Variants in SLC35F1 observed in about 807,000 individuals in gnomAD.
SLC35F1 encodes the protein solute carrier family 35 member F1.
In SLC35F1, 14 loss-of-function variants were observed where a neutral mutation model predicts 48.7. The observed-to-expected ratio is 0.29, with a 90% CI of 0.19 to 0.45. The LOEUF is 0.45. Among genes scored for constraint, SLC35F1 ranks in the 20% least tolerant of loss-of-function variants. The probability of loss-of-function intolerance (pLI) is 1.00; values close to 1 mark genes in which losing one functional copy is unlikely to be tolerated. For synonymous variants in SLC35F1, 190 were observed against 202.2 expected (o/e 0.94, Z 0.51); for missense variants, 404 against 500.0 (o/e 0.81, Z 1.83).
chr6:117,977,290 G>A (rs180916436), intron 1 of SLC35F1, among the ~76,000 whole-genome samples: 3 of 150,460 alleles, frequency 2.0e-5, no homozygotes, highest in African/African-American at 7.3e-5. Context: ...TCTGCCTCCC[G>A]GGTTCAAGCG....
intron 1 of SLC35F1, among the ~76,000 whole-genome samples, chr6:118,119,520 T>G: frequency 8.1e-6 from 1 of 123,358 alleles, no homozygotes; most frequent in African/African-American, 2.9e-5. Context: ...GCTTTTTTTT[T>G]TGAGACGGAG....
intron 1 of SLC35F1, among the ~76,000 whole-genome samples, chr6:118,101,219 C>T (rs1773254201): frequency 6.6e-6 from 1 of 152,146 alleles, no homozygotes; most frequent in Non-Finnish European, 1.5e-5. Flanking sequence ...AAGAGAGTGT[C>T]TAAATTAGGA....
chr6:118,056,037 G>A (rs1345450902), intron 1 of SLC35F1, among the ~76,000 whole-genome samples: 1 of 152,164 alleles, frequency 6.6e-6, no homozygotes, highest in Non-Finnish European at 1.5e-5. Flanking sequence ...TGGGTAATAG[G>A]TCTATCAACA....
chr6:118,211,380 TA>T (rs776971402), intron 2 of SLC35F1, among the ~76,000 whole-genome samples: 9 of 152,186 alleles, frequency 5.9e-5, no homozygotes, highest in Admixed American at 2.6e-4. Context: ...CATAAGGTCT[TA>T]CGCAAAAAAC....
chr6:118,193,483 T>A (rs1190631018), intron 2 of SLC35F1, among the ~76,000 whole-genome samples: 1 of 152,314 alleles, frequency 6.6e-6, no homozygotes, highest in East Asian at 1.9e-4. Context: ...TTTAGCTTTA[T>A]CCTATCTAAT....
In SLC35F1 at chr6:118,301,484, A is replaced by AG. The variant is rs1341300318; in HGVS notation, c.1003-12537dup. The stretch of plus-strand genomic sequence containing the variant: ...ACCATCATAACTGTATGCAGTGTTA[A>AG]GGGGGGGTATGAAGGAATGGAACTC... On this transcript the variant is annotated intron_variant, in intron 7 of 7. Coordinates refer to ENST00000360388, the MANE Select transcript of SLC35F1 (RefSeq NM_001029858.4). Among the ~76,000 whole-genome samples the AG allele has an allele frequency of 3.9e-5, 6 of 152,166 alleles. No individual in the cohort carries two copies. The South Asian group carries it at 8.3e-4, about 21-fold the overall frequency.
At chr6:118,280,556 A>C (rs1222766224) in intron 6 of SLC35F1, among the ~76,000 whole-genome samples, 2 of 152,142 alleles carry the variant, frequency 1.3e-5, no homozygotes, top group Admixed American at 1.3e-4. Flanking sequence ...ACTACAGAGC[A>C]GGAAAAGACC....
At chr6:118,192,419 A>G (rs1774744420) in intron 2 of SLC35F1, among the ~76,000 whole-genome samples, 2 of 152,166 alleles carry the variant, frequency 1.3e-5, no homozygotes, top group South Asian at 4.1e-4. Flanking sequence ...CCTGTATTCA[A>G]GAGTGCTTTT....
chr6:118,202,125 C>A (rs1392442527), intron 2 of SLC35F1, among the ~76,000 whole-genome samples: 1 of 152,050 alleles, frequency 6.6e-6, no homozygotes, highest in Non-Finnish European at 1.5e-5. Context: ...TGGGTATATA[C>A]CTAGGAGAGA....
At chr6:118,028,816 G>A (rs1298245787) in intron 1 of SLC35F1, among the ~76,000 whole-genome samples, 1 of 151,934 alleles carries the variant, frequency 6.6e-6, no homozygotes, top group Non-Finnish European at 1.5e-5. Context: ...TAAAGATAGT[G>A]GTTTTTAAAC....
chr6:117,911,692 C>G (rs926137833), intron 1 of SLC35F1, among the ~76,000 whole-genome samples: 2 of 152,188 alleles, frequency 1.3e-5, no homozygotes, highest in Non-Finnish European at 2.9e-5. Context: ...GTCACCCTCC[C>G]ACCTTGGCCT....
chr6:118,017,134 C>G (rs1314026657), intron 1 of SLC35F1, among the ~76,000 whole-genome samples: 2 of 152,214 alleles, frequency 1.3e-5, no homozygotes, highest in Non-Finnish European at 2.9e-5. Context: ...TGAATGGACT[C>G]TAGAACCAAT....
chr6:117,978,626 C>A (rs1200843241), intron 1 of SLC35F1, among the ~76,000 whole-genome samples: 3 of 152,146 alleles, frequency 2.0e-5, no homozygotes, highest in Non-Finnish European at 4.4e-5. Flanking sequence ...GTCAGCTTTC[C>A]TCTGGCAGAA....
At chr6:118,019,330 T>G (rs1330522450) in intron 1 of SLC35F1, among the ~76,000 whole-genome samples, 11 of 152,162 alleles carry the variant, frequency 7.2e-5, no homozygotes, top group Admixed American at 7.2e-4. Context: ...GGTGTGGCCA[T>G]TTGAATGCAT....
intron 1 of SLC35F1, among the ~76,000 whole-genome samples, chr6:118,009,938 A>T (rs1777223353): frequency 6.6e-6 from 1 of 152,186 alleles, no homozygotes; most frequent in Non-Finnish European, 1.5e-5. Flanking sequence ...TTAGCTTACA[A>T]GGAAATTTGC....
intron 7 of SLC35F1, among the ~76,000 whole-genome samples, 171 bp downstream of exon 7, chr6:118,285,509 C>T (rs1002517450): frequency 1.3e-5 from 2 of 152,162 alleles, no homozygotes; most frequent in African/African-American, 2.4e-5. Context: ...AAGACAGAGA[C>T]ATTTTGTCCT....
At chr6:118,113,829 T>A (rs1468745544) in intron 1 of SLC35F1, among the ~76,000 whole-genome samples, 1 of 152,208 alleles carries the variant, frequency 6.6e-6, no homozygotes, top group African/African-American at 2.4e-5. Context: ...TCCAGTATGG[T>A]TTAATAATGT....
At chr6:118,280,652 C>A (rs566479559) in intron 6 of SLC35F1, among the ~76,000 whole-genome samples, 1 of 151,912 alleles carries the variant, frequency 6.6e-6, no homozygotes, top group African/African-American at 2.4e-5. Context: ...CTGAGGCGGG[C>A]GGATCACTTG....
intron 2 of SLC35F1, among the ~76,000 whole-genome samples, chr6:118,183,201 C>G (rs952952104): frequency 6.6e-6 from 1 of 152,232 alleles, no homozygotes; most frequent in Admixed American, 6.5e-5. Flanking sequence ...AAACCCATAA[C>G]AGTTAGCAAA....
Sources: allele counts gnomAD v4.1 joint callset (sites outside exome capture counted in the v4.1 genomes callset), GRCh38; gene constraint gnomAD v4.1.1; transcripts MANE v1.5; gene names NCBI Gene and HGNC (gene_info 2026-07-23, HGNC 2026-07-21).